USH2A: variants seen among roughly 807,000 people sequenced by gnomAD.
USH2A encodes Usher syndrome 2A (autosomal recessive, mild).
In USH2A, 443 loss-of-function variants were observed where a neutral mutation model predicts 538.9. That is an observed-to-expected ratio of 0.82 (90% CI 0.76 to 0.89). The LOEUF is 0.89. USH2A is among the 40% of genes least tolerant of loss of function. The pLI is 0.00. For synonymous variants in USH2A, 2,413 were observed against 2,273.5 expected, an observed-to-expected ratio of 1.06 and a Z score of -1.75; for missense variants, 6,633 against 6,324.8, an observed-to-expected ratio of 1.05 and a Z score of -1.65.
intron 44 of USH2A, among the ~76,000 whole-genome samples, chr1:215,849,017 G>C (rs1191940577): frequency 6.6e-6 from 1 of 152,170 alleles, no homozygotes; most frequent in Non-Finnish European, 1.5e-5. Context: ...AGAGAGGAAG[G>C]CTATTAACAT....
intron 55 of USH2A, among the ~76,000 whole-genome samples, chr1:215,773,497 T>TCC (rs1661356951): frequency 7.1e-6 from 1 of 141,510 alleles, no homozygotes; most frequent in African/African-American, 3.1e-5. Context: ...TCTCTGTCTC[T>TCC]CTCTCTCTCT....
intron 11 of USH2A, among the ~76,000 whole-genome samples, chr1:216,257,425 C>T (rs147617858): frequency 3.3e-5 from 5 of 152,046 alleles, no homozygotes; most frequent in Admixed American, 1.3e-4. Context: ...GTATTTAACA[C>T]GTCTTTTTCC....
In USH2A at chr1:215,675,592, AC is replaced by A. The variant is rs1429777659; in HGVS notation, c.12318del (p.Phe4107SerfsTer7). 1 of 1,613,984 alleles carries A rather than the reference AC, an allele frequency of 6.2e-7. No individual in the cohort carries two copies. The highest frequency in any genetic ancestry group is 1.1e-5 in the South Asian group (1 of 91,062). On this transcript the variant is annotated frameshift_variant, in exon 63 of 72. Coordinates refer to ENST00000307340, the MANE Select transcript of USH2A (RefSeq NM_206933.4). LOFTEE classifies it high-confidence loss of function. ...CGATTCAAACCAGAGTACTCCAGGA[AC>A]CCGTCACTGAAGATGTTGTATGTCT... is the stretch of plus-strand genomic sequence containing the variant. ...VIKTYNIFSD[G>X]FLEYSGLNRQ...
intron 37 of USH2A, among the ~76,000 whole-genome samples, chr1:215,952,262 G>A (rs1048354299): frequency 1.2e-4 from 18 of 152,136 alleles, no homozygotes; most frequent in African/African-American, 3.4e-4. Flanking sequence ...TTTATTTTGA[G>A]CCTATGTGTG....
chr1:215,628,856 G>C lies in USH2A; in HGVS notation c.15477C>G (p.Asp5159Glu). The change falls in exon 71 of 72, where the codon GAC (aspartate) becomes GAG (glutamate). Residue 5159 changes from aspartate to glutamate, a missense_variant. Asp to Glu is a conservative substitution (Grantham distance 45). Coordinates refer to ENST00000307340, the MANE Select transcript of USH2A (RefSeq NM_206933.4). ...CCATGATGGCTTCCCACAGTGAGTT[G>C]TCCATCAAGACTTTCTTGTCTTGAA... ...MDIQDKKVLM[D>E]NSLWEAIMGH... 11 of 1,614,166 alleles carry C rather than the reference G, an allele frequency of 6.8e-6. No individual in the cohort carries two copies. Among genetic ancestry groups the C allele is most frequent in the Non-Finnish European group, 9.3e-6 (11 of 1,180,044 alleles).
intron 11 of USH2A, among the ~76,000 whole-genome samples, chr1:216,258,797 A>G (rs939316831): frequency 2.0e-5 from 3 of 152,118 alleles, no homozygotes; most frequent in South Asian, 4.1e-4. Flanking sequence ...GATAAATTCT[A>G]TCACAATGTT....
At chr1:215,697,653 C>A (rs1337955498) in intron 61 of USH2A, among the ~76,000 whole-genome samples, 1 of 152,070 alleles carries the variant, frequency 6.6e-6, no homozygotes, top group African/African-American at 2.4e-5. Context: ...TCCCGAGTAT[C>A]TGGGATTACA....
Position 215,648,607 on chromosome 1 carries a change from G to A in USH2A, c.14503C>T (p.Pro4835Ser). The A allele has an allele frequency of 6.2e-7, 1 of 1,614,212 alleles. No individual in the cohort carries two copies. Among genetic ancestry groups the A allele is most frequent in the Non-Finnish European group, 8.5e-7 (1 of 1,180,032 alleles). ...HPAPPSGLSS[P>S]QIGTLASRTA... The stretch of plus-strand genomic sequence containing the variant: ...CTTGAGGCCAGCGTCCCGATTTGTG[G>A]AGAGGACAGTCCTGAGGGTGGGGCA... The change falls in exon 66 of 72, where the codon CCA becomes TCA. Residue 4835 changes from proline (P) to serine (S), a missense_variant. Pro to Ser is a moderately conservative substitution (Grantham distance 74). Transcript: ENST00000307340.
intron 21 of USH2A, among the ~76,000 whole-genome samples, chr1:216,148,858 G>T (rs2033769657): frequency 6.6e-6 from 1 of 151,334 alleles, no homozygotes; most frequent in African/African-American, 2.4e-5. Flanking sequence ...CTTTCACTTG[G>T]ACTGACCCTG....
At chr1:215,812,784 T>C (rs568388738) in intron 49 of USH2A, among the ~76,000 whole-genome samples, 1 of 152,238 alleles carries the variant, frequency 6.6e-6, no homozygotes, top group Non-Finnish European at 1.5e-5. Flanking sequence ...ACAGTGGTAG[T>C]AATGAAGAAG....
At chr1:216,146,324 G>T (rs137887162) in intron 21 of USH2A, among the ~76,000 whole-genome samples, 2,181 of 152,190 alleles carry the variant, frequency 0.014, 48 homozygotes, top group African/African-American at 0.049. Context: ...TTCATTTTCT[G>T]GTAGAGACAA....
intron 43 of USH2A, among the ~76,000 whole-genome samples, chr1:215,876,558 T>A (rs1664780225): frequency 6.6e-6 from 1 of 152,012 alleles, no homozygotes; most frequent in Non-Finnish European, 1.5e-5. Context: ...GAAGACAGAG[T>A]CACGAAGACC....
intron 71 of USH2A, among the ~76,000 whole-genome samples, chr1:215,628,343 C>T (rs2797254): frequency 9.2e-5 from 14 of 151,816 alleles, no homozygotes; most frequent in Non-Finnish European, 1.8e-4. Context: ...AGTGCAGTGG[C>T]GCGGTCTCGG....
intron 42 of USH2A, among the ~76,000 whole-genome samples, chr1:215,878,272 C>T (rs1413539827): frequency 6.6e-6 from 1 of 152,112 alleles, no homozygotes; most frequent in African/African-American, 2.4e-5. Context: ...ACTTTGTATT[C>T]TTGGCCAAGT....
chr1:215,757,987 A>C (rs1052570449), intron 58 of USH2A, among the ~76,000 whole-genome samples: 1 of 152,154 alleles, frequency 6.6e-6, no homozygotes, highest in Admixed American at 6.5e-5. Context: ...CTTGCATTGG[A>C]TATATAGAAG....
Position 216,289,514 on chromosome 1 carries a change from C to T in USH2A, c.1841-104G>A, listed in dbSNP as rs1036200156. On this transcript the variant is annotated intron_variant, in intron 10 of 71. Coordinates refer to ENST00000307340, the MANE Select transcript of USH2A (RefSeq NM_206933.4). ...TCCTTTGAGGGAATTCTATAATTTT[C>T]GGAACGTCCGTTTTAATGCACCTTT... The T allele has an allele frequency of 3.4e-5, 52 of 1,514,268 alleles. 1 individual carries two copies. Among genetic ancestry groups the T allele is most frequent in the South Asian group, 2.2e-4 (19 of 87,244 alleles). 93.8% of individuals were successfully genotyped at this position (1,514,268 alleles called of 1,614,324 possible). A position where few individuals can be genotyped will look rare whatever the true frequency, so the allele number is the denominator to read the frequency against.
chr1:215,666,023 T>C (rs530555723), intron 64 of USH2A, among the ~76,000 whole-genome samples: 3 of 152,370 alleles, frequency 2.0e-5, no homozygotes, highest in African/African-American at 7.2e-5. Context: ...CACCAACCCA[T>C]TCTTGTGGAA....
At position 216,237,831 on chromosome 1, in the gene USH2A, C is replaced by G. The variant is rs573203808; in HGVS notation, c.2810-5695G>C. The stretch of plus-strand genomic sequence containing the variant: ...AGTGTCTTTTACTTTTTTTTGTTTT[C>G]CAGATGTACCTAAGATTGTGGTCTG... On this transcript the variant is annotated intron_variant, in intron 13 of 71. Coordinates refer to ENST00000307340, the MANE Select transcript of USH2A (RefSeq NM_206933.4). Among the ~76,000 whole-genome samples, 19 of 151,648 alleles carry G rather than the reference C, an allele frequency of 1.3e-4. No individual in the cohort carries two copies. The South Asian group carries it at 3.9e-3, about 31-fold the overall frequency.
intron 37 of USH2A, among the ~76,000 whole-genome samples, chr1:215,951,692 T>A (rs1372203147): frequency 6.6e-6 from 1 of 152,048 alleles, no homozygotes; most frequent in African/African-American, 2.4e-5. Context: ...GGAGTCTAAG[T>A]CTCTTTGTAG....
Sources: gnomAD v4.1 joint callset for allele counts (sites outside exome capture counted in the v4.1 genomes callset) on GRCh38, gnomAD v4.1.1 for gene constraint, MANE v1.5 for transcripts, NCBI Gene and HGNC (gene_info 2026-07-23, HGNC 2026-07-21) for gene names.